Variants in MLLT1 observed in about 807,000 individuals in gnomAD.
MLLT1 encodes the protein protein ENL.
MLLT1 carries 11 observed loss-of-function variants against 55.1 expected under a neutral mutation model. That is an observed-to-expected ratio of 0.20 (90% CI 0.13 to 0.33). The LOEUF (loss-of-function observed/expected upper bound fraction) is 0.33. Ranked by LOEUF, MLLT1 falls within the 10% of genes least tolerant of loss-of-function variation. The pLI, the probability that MLLT1 is intolerant of heterozygous loss-of-function variation, is 1.00. For synonymous variants in MLLT1, 323 were observed against 320.1 expected (o/e 1.01, Z -0.10); for missense variants, 536 against 760.6 (o/e 0.70, Z 3.47).
chr19:6,214,420 C>T (rs946312323), intron 8 of MLLT1, among the ~76,000 whole-genome samples: 1 of 152,182 alleles, frequency 6.6e-6, no homozygotes, highest in Non-Finnish European at 1.5e-5. Flanking sequence ...CCAGCACTGC[C>T]CTAGGGCTTC....
Position 6,270,706 on chromosome 19 carries a change from C to T in MLLT1, c.66G>A (p.Lys22=), listed in dbSNP as rs1167243868. 2 of 1,614,040 alleles carry T rather than the reference C, an allele frequency of 1.2e-6. No homozygotes were observed. Among genetic ancestry groups the T allele is most frequent in the Admixed American group, 1.7e-5 (1 of 60,020 alleles). ...ELGHRAQLRK[K]PTTEGFTHDW... ...CGTGAGTGAACCCCTCCGTGGTGGGCTTCTTGCGCAGTTGGGCGCGATGCC... is the reference window on the plus strand; with the variant it reads ...CGTGAGTGAACCCCTCCGTGGTGGGTTTCTTGCGCAGTTGGGCGCGATGCC... Residue 22 remains lysine (K), a synonymous_variant, in exon 2 of 12, where the codon AAG becomes AAA. Transcript: ENST00000252674. The surrounding 1 kb of genome is among the most constrained non-coding windows in gnomAD (Gnocchi z 7.1).
intron 1 of MLLT1, among the ~76,000 whole-genome samples, chr19:6,271,675 C>A (rs2091396007): frequency 6.6e-6 from 1 of 152,234 alleles, no homozygotes; most frequent in Non-Finnish European, 1.5e-5. Flanking sequence ...CCTCCCCAGA[C>A]TTTTCACAGA....
rs1452113813 is a variant in MLLT1 at position 6,273,529 on chromosome 19, C to A, written c.13-2770G>T. ...GGCATGGCAATACTCAGGCCAAGCA[C>A]GAGTGTCTGCCTGAACACCACCGCA... On this transcript the variant is annotated intron_variant, in intron 1 of 11. Transcript: ENST00000252674. This position sits in a 1 kb window ranked among gnomAD's most constrained non-coding sequence, Gnocchi z 4.3. 6.6e-6 allele frequency among the ~76,000 whole-genome samples: 1 copy of A among 152,152 alleles called. No individual in the cohort carries two copies. The highest frequency in any genetic ancestry group is 1.9e-4 in the East Asian group (1 of 5,196).
At position 6,256,671 on chromosome 19, in the gene MLLT1, G is replaced by A. The variant is rs56091652; in HGVS notation, c.276+5557C>T. 2.6e-5 allele frequency among the ~76,000 whole-genome samples: 4 copies of A among 151,586 alleles called. No individual in the cohort carries two copies. The highest frequency in any genetic ancestry group is 9.7e-5 in the African/African-American group (4 of 41,212). The stretch of plus-strand genomic sequence containing the variant: ...CGGGAGGCTGAGGCAGGAGAATGGT[G>A]TGAACCCGGGAGGCGGAGCTTGCAG... On this transcript the variant is annotated intron_variant, in intron 3 of 11. Coordinates refer to ENST00000252674, the MANE Select transcript of MLLT1 (RefSeq NM_005934.4). The surrounding 1 kb of genome is among the most constrained non-coding windows in gnomAD (Gnocchi z 4.1).
chr19:6,213,596 A>C, intron 10 of MLLT1, 130 bp downstream of exon 10: 1 of 1,041,420 alleles, frequency 9.6e-7, no homozygotes, highest in Non-Finnish European at 1.5e-6. Context: ...GGGAGGAAGG[A>C]CTGTCCCTGC....
chr19:6,237,496 G>C (rs532125905), intron 3 of MLLT1, among the ~76,000 whole-genome samples: 1 of 151,750 alleles, frequency 6.6e-6, no homozygotes, highest in Non-Finnish European at 1.5e-5. Flanking sequence ...GGTGGCTCAC[G>C]CCTGTAATCC....
intron 5 of MLLT1, among the ~76,000 whole-genome samples, chr19:6,225,668 T>G (rs1240978303): frequency 6.6e-6 from 1 of 152,082 alleles, no homozygotes; most frequent in Non-Finnish European, 1.5e-5. Context: ...CCCACAGGCC[T>G]CCTAAGCCTG....
At chr19:6,221,798 AC>A (rs1163355730) in intron 6 of MLLT1, among the ~76,000 whole-genome samples, 3 of 152,222 alleles carry the variant, frequency 2.0e-5, no homozygotes, top group African/African-American at 7.2e-5. Context: ...AGCGGCCAAG[AC>A]CCGGGCCCAT....
In MLLT1 at chr19:6,229,021, C is replaced by CGCTT; in HGVS notation, c.420+1548_420+1549insAAGC. Among the ~76,000 whole-genome samples, 1 of 152,296 alleles carries CGCTT rather than the reference C, an allele frequency of 6.6e-6. No individual in the cohort carries two copies. The highest frequency in any genetic ancestry group is 2.4e-5 in the African/African-American group (1 of 41,574). On this transcript the variant is annotated intron_variant, in intron 4 of 11. Transcript: ENST00000252674. This position sits in a 1 kb window ranked among gnomAD's most constrained non-coding sequence, Gnocchi z 5.2. ...GAGACGATGCCCTCAGAGCCTTCAT[C>CGCTT]GCTGTGGAGCAAAGGAAGCCGCCTC... is the stretch of plus-strand genomic sequence containing the variant.
chr19:6,255,648 A>G (rs1291978768), intron 3 of MLLT1, among the ~76,000 whole-genome samples: 1 of 152,262 alleles, frequency 6.6e-6, no homozygotes, highest in Non-Finnish European at 1.5e-5. Context: ...AATATTGTTA[A>G]GATGTTTCAA....
In MLLT1 at chr19:6,227,386, A is replaced by G. The variant is rs1292625418; in HGVS notation, c.421-284T>C. 4.6e-5 allele frequency among the ~76,000 whole-genome samples: 7 copies of G among 152,206 alleles called. No homozygotes were observed. The highest frequency in any genetic ancestry group is 4.6e-4 in the Admixed American group (7 of 15,288). ...AACAGTGGACCGGAGGGCTGGCCCA[A>G]GAAGACTTGCGGAGCACACTGAGAA... On this transcript the variant is annotated intron_variant, in intron 4 of 11. Transcript: ENST00000252674. This position sits in a 1 kb window ranked among gnomAD's most constrained non-coding sequence, Gnocchi z 5.1.
intron 3 of MLLT1, among the ~76,000 whole-genome samples, chr19:6,244,005 C>G (rs1337537122): frequency 6.8e-6 from 1 of 146,778 alleles, no homozygotes; most frequent in Non-Finnish European, 1.5e-5. Context: ...GATCACGCCA[C>G]TGCACTCCAG....
chr19:6,261,000 A>G (rs1057415237), intron 3 of MLLT1, among the ~76,000 whole-genome samples: 2 of 152,202 alleles, frequency 1.3e-5, no homozygotes, highest in Non-Finnish European at 1.5e-5. Context: ...GCTGTGGAGC[A>G]CCTTTGCAGA....
chr19:6,221,239 T>C (rs1330356754), intron 6 of MLLT1, among the ~76,000 whole-genome samples: 2 of 152,128 alleles, frequency 1.3e-5, no homozygotes, highest in Admixed American at 6.5e-5. Flanking sequence ...CAGAGGTAAA[T>C]GGCCCAACCC....
chr19:6,213,862 A>G (rs1198910323), intron 9 of MLLT1, 65 bp from the exon 10 acceptor site: 3 of 1,584,380 alleles, frequency 1.9e-6, no homozygotes, highest in Non-Finnish European at 2.6e-6. Flanking sequence ...AAGGCCCCAC[A>G]AACCCTCCTA....
chr19:6,222,127 C>T lies in MLLT1; in HGVS notation c.1104G>A (p.Lys368=). ...GCCCCCAGCACTCACTCACCTCGGA[C>T]TTGAAGGAGGCCTCGTCCTCTGAGT... ...ESNSEDEASF[K]SESAQSSPSN... Residue 368 remains lysine (K), a synonymous_variant, in exon 6 of 12, where the codon AAG becomes AAA. Transcript: ENST00000252674. The surrounding 1 kb of genome is among the most constrained non-coding windows in gnomAD (Gnocchi z 4.1). The T allele has an allele frequency of 1.3e-6, 2 of 1,516,470 alleles. No individual in the cohort carries two copies. Among genetic ancestry groups the T allele is most frequent in the Non-Finnish European group, 1.8e-6 (2 of 1,129,628 alleles). The allele number at this position is 1,516,470 out of a possible 1,614,324, so 93.9% of individuals were successfully genotyped here.
chr19:6,227,390 G>A lies in MLLT1; in HGVS notation c.421-288C>T, dbSNP rs954658198. The stretch of plus-strand genomic sequence containing the variant: ...GTGGACCGGAGGGCTGGCCCAAGAA[G>A]ACTTGCGGAGCACACTGAGAATCAT... On this transcript the variant is annotated intron_variant, in intron 4 of 11. Transcript: ENST00000252674. This position sits in a 1 kb window ranked among gnomAD's most constrained non-coding sequence, Gnocchi z 5.1. Among the ~76,000 whole-genome samples the A allele has an allele frequency of 6.6e-6, 1 of 152,212 alleles. No individual in the cohort carries two copies. The highest frequency in any genetic ancestry group is 2.4e-5 in the African/African-American group (1 of 41,468).
At chr19:6,257,925 A>G (rs1210860784) in intron 3 of MLLT1, among the ~76,000 whole-genome samples, 1 of 152,240 alleles carries the variant, frequency 6.6e-6, no homozygotes, top group Non-Finnish European at 1.5e-5. Context: ...ATGCAAATAA[A>G]AACCTCAACA....
intron 5 of MLLT1, among the ~76,000 whole-genome samples, chr19:6,225,681 G>A (rs1292084614): frequency 6.6e-6 from 1 of 152,266 alleles, no homozygotes; most frequent in Non-Finnish European, 1.5e-5. Flanking sequence ...TAAGCCTGGT[G>A]GATAAACTCA....
Sources: allele counts gnomAD v4.1 joint callset (sites outside exome capture counted in the v4.1 genomes callset), GRCh38; gene constraint gnomAD v4.1.1; non-coding constraint Gnocchi (gnomAD v3.1); transcripts MANE v1.5; gene names NCBI Gene and HGNC (gene_info 2026-07-23, HGNC 2026-07-21).